GLI3: variants seen among roughly 807,000 people sequenced by gnomAD.
GLI3 encodes transcription activator GLI3.
In GLI3, 20 loss-of-function variants were observed where a neutral mutation model predicts 100.8. That is an observed-to-expected ratio of 0.20 (90% CI 0.14 to 0.29). The LOEUF (loss-of-function observed/expected upper bound fraction) is 0.29. GLI3 is among the 10% of genes least tolerant of loss of function. The pLI is 1.00. For synonymous variants in GLI3, 938 were observed against 860.5 expected, an observed-to-expected ratio of 1.09 and a Z score of -1.58; for missense variants, 2,040 against 2,128.5, an observed-to-expected ratio of 0.96 and a Z score of 0.82.
chr7:42,143,803 T>A (rs572359042), intron 3 of GLI3, among the ~76,000 whole-genome samples: 1 of 152,306 alleles, frequency 6.6e-6, no homozygotes, highest in South Asian at 2.1e-4. Context: ...AATCATATTT[T>A]CCATGAAGAA....
intron 3 of GLI3, among the ~76,000 whole-genome samples, chr7:42,103,282 C>T (rs1017702392): frequency 7.9e-5 from 12 of 152,132 alleles, no homozygotes; most frequent in Non-Finnish European, 1.3e-4. Flanking sequence ...GAAGTGCCAT[C>T]CCATCACTTC....
At chr7:42,226,254 GA>G (rs369866337) in intron 1 of GLI3, among the ~76,000 whole-genome samples, 3 of 152,150 alleles carry the variant, frequency 2.0e-5, no homozygotes, top group South Asian at 2.1e-4. Context: ...AAATGCACCA[GA>G]AAAAAACCCA....
chr7:42,102,617 T>C (rs540246303), intron 3 of GLI3, among the ~76,000 whole-genome samples: 68 of 152,340 alleles, frequency 4.5e-4, no homozygotes, highest in Non-Finnish European at 6.3e-4. Context: ...CTTAACTTCT[T>C]GGGCTTCAGT....
intron 2 of GLI3, among the ~76,000 whole-genome samples, chr7:42,185,932 A>C (rs1369712177): frequency 6.6e-6 from 1 of 152,194 alleles, no homozygotes; most frequent in Non-Finnish European, 1.5e-5. Flanking sequence ...CCATTTCAGC[A>C]ACTCTTGGCA....
intron 1 of GLI3, among the ~76,000 whole-genome samples, chr7:42,258,088 T>C (rs117487033): frequency 1.3e-5 from 2 of 152,328 alleles, no homozygotes; most frequent in Non-Finnish European, 2.9e-5. Flanking sequence ...CTATATATAC[T>C]ATGTATAACC....
chr7:42,093,747 GA>G, intron 3 of GLI3, among the ~76,000 whole-genome samples: 1 of 152,048 alleles, frequency 6.6e-6, no homozygotes, highest in Middle Eastern at 3.4e-3. Context: ...TTTACAAAAG[GA>G]AAAACAAACA....
At chr7:42,038,095 C>T (rs1426259407) in intron 7 of GLI3, among the ~76,000 whole-genome samples, 1 of 152,204 alleles carries the variant, frequency 6.6e-6, no homozygotes, top group East Asian at 1.9e-4. Context: ...CACATTTCTG[C>T]TACTTGGATG....
At chr7:42,242,551 T>A (rs548945429), upstream of GLI3, among the ~76,000 whole-genome samples, 18 of 152,328 alleles carry the variant, frequency 1.2e-4, no homozygotes, top group Non-Finnish European at 2.5e-4. Flanking sequence ...GATATTTTTA[T>A]TTACACTGTC....
intron 1 of GLI3, among the ~76,000 whole-genome samples, chr7:42,255,205 T>TA (rs1789073255): frequency 6.6e-6 from 1 of 152,094 alleles, no homozygotes; most frequent in African/African-American, 2.4e-5. Flanking sequence ...TTCTTTCAGA[T>TA]AAAAAAATAA....
At chr7:42,072,913 G>A (rs892918445) in intron 4 of GLI3, among the ~76,000 whole-genome samples, 1 of 152,152 alleles carries the variant, frequency 6.6e-6, no homozygotes, top group East Asian at 1.9e-4. Context: ...TTGAGAGAGA[G>A]GGAGAGAGAG....
At chr7:42,054,446 G>A (rs530467385) in intron 4 of GLI3, among the ~76,000 whole-genome samples, 12 of 152,214 alleles carry the variant, frequency 7.9e-5, no homozygotes, top group African/African-American at 1.4e-4. Context: ...TTGGGATACT[G>A]GAAATGTACA....
intron 2 of GLI3, among the ~76,000 whole-genome samples, chr7:42,162,803 C>T (rs1007375529): frequency 1.3e-5 from 2 of 152,090 alleles, no homozygotes; most frequent in East Asian, 1.9e-4. Flanking sequence ...GCAACTTCAA[C>T]CCCTGCTTTG....
intron 10 of GLI3, among the ~76,000 whole-genome samples, chr7:42,007,336 C>T (rs1259731989): frequency 6.6e-6 from 1 of 151,598 alleles, no homozygotes; most frequent in Non-Finnish European, 1.5e-5. Flanking sequence ...TATGTCATCT[C>T]TTATGTGCTT....
intron 7 of GLI3, among the ~76,000 whole-genome samples, chr7:42,030,726 G>GTTTTTTTT: frequency 8.8e-6 from 1 of 113,496 alleles, no homozygotes; most frequent in Non-Finnish European, 1.9e-5. Context: ...TTTGTTTCTT[G>GTTTTTTTT]TTTTTTTTTT....
intron 10 of GLI3, among the ~76,000 whole-genome samples, chr7:42,004,928 T>A (rs1445230652): frequency 6.6e-6 from 1 of 152,198 alleles, no homozygotes; most frequent in Non-Finnish European, 1.5e-5. Flanking sequence ...AAAAATTATA[T>A]CTGAAAGGAA....
chr7:42,170,524 TC>T (rs1787349365), intron 2 of GLI3, among the ~76,000 whole-genome samples: 1 of 146,420 alleles, frequency 6.8e-6, no homozygotes, highest in African/African-American at 2.5e-5. Context: ...TGCCTCAGCC[TC>T]CCGAGTAGCT....
chr7:42,050,597 C>T (rs1784334181), intron 4 of GLI3, among the ~76,000 whole-genome samples: 1 of 152,224 alleles, frequency 6.6e-6, no homozygotes, highest in African/African-American at 2.4e-5. Context: ...CAATCTGATT[C>T]TAAACACAGA....
At chr7:42,174,762 C>G (rs73094364) in intron 2 of GLI3, among the ~76,000 whole-genome samples, 2 of 152,148 alleles carry the variant, frequency 1.3e-5, no homozygotes, top group Non-Finnish European at 2.9e-5. Context: ...GGTGACGGCA[C>G]GGGCGAGGAG....
At chr7:42,190,542 A>G (rs1478174188) in intron 2 of GLI3, among the ~76,000 whole-genome samples, 2 of 152,200 alleles carry the variant, frequency 1.3e-5, no homozygotes, top group Non-Finnish European at 1.5e-5. Context: ...GCTCTTCAAA[A>G]TTATTTCCAA....
Sources: gnomAD v4.1 joint callset for allele counts (sites outside exome capture counted in the v4.1 genomes callset) on GRCh38, gnomAD v4.1.1 for gene constraint, MANE v1.5 for transcripts, NCBI Gene and HGNC (gene_info 2026-07-23, HGNC 2026-07-21) for gene names.